The following MYO15A variants were observed in gnomAD, a reference collection of about 807,000 sequenced individuals.
MYO15A encodes the protein myosin XVA, also known as unconventional myosin-XV.
In MYO15A, 308 loss-of-function variants were observed where a neutral mutation model predicts 394.6. The ratio of observed to expected loss-of-function variants is 0.78; its 90% CI spans 0.71 to 0.86. The LOEUF is 0.86. MYO15A is among the 40% of genes least tolerant of loss of function. The probability of loss-of-function intolerance (pLI) is 0.00; values close to 1 mark genes in which losing one functional copy is unlikely to be tolerated. For missense variants in MYO15A, 4,606 were observed against 4,799.1 expected, an observed-to-expected ratio of 0.96 and a Z score of 1.19; for synonymous variants, 1,957 against 2,003.8, an observed-to-expected ratio of 0.98 and a Z score of 0.62.
intron 3 of MYO15A, 113 bp downstream of exon 3, chr17:18,124,678 C>A: frequency 2.0e-6 from 2 of 1,017,290 alleles, no homozygotes; most frequent in Non-Finnish European, 1.5e-6. Context: ...ATTTTCAGAG[C>A]CTCAGTCATG....
rs1221486801 is a variant in MYO15A at position 18,131,468 on chromosome 17, G to A, written c.4143G>A (p.Gly1381=). The A allele has an allele frequency of 6.2e-7, 1 of 1,613,784 alleles. No homozygotes were observed. ...FGKFVEIFLE[G]GVISGAITSQ... The stretch of plus-strand genomic sequence containing the variant: ...GAGCTGACTGTGCTCCCCACCCCAG[G>A]GGCGTGATCTCTGGTGCCATAACCT... Residue 1381 remains glycine (G), a splice_region_variant and synonymous_variant, in exon 10 of 66, where the codon GGG becomes GGA. Transcript: ENST00000647165.
At chr17:18,159,465 C>G (rs1379091662) in intron 54 of MYO15A, 118 bp downstream of exon 54, 2 of 1,474,696 alleles carry the variant, frequency 1.4e-6, no homozygotes, top group Admixed American at 1.8e-5. Flanking sequence ...CCAGCTCAGA[C>G]ATGGAACACA....
At position 18,131,522 on chromosome 17, in the gene MYO15A, C is replaced by G; in HGVS notation, c.4197C>G (p.Ile1399Met). 1 of 1,613,912 alleles carries G rather than the reference C, an allele frequency of 6.2e-7. No individual in the cohort carries two copies. Among genetic ancestry groups the G allele is most frequent in the Non-Finnish European group, 8.5e-7 (1 of 1,179,932 alleles). ...AGTACCTGCTTGAGAAATCCAGGATCGTGTTTCAGGTGGGCCACCCCCTCC... is the reference window on the plus strand; with the variant it reads ...AGTACCTGCTTGAGAAATCCAGGATGGTGTTTCAGGTGGGCCACCCCCTCC... ...TSQYLLEKSRIVFQAKNERNY... is the reference protein window; with the variant it reads ...TSQYLLEKSRMVFQAKNERNY... The change falls in exon 10 of 66, where the codon ATC (isoleucine) becomes ATG (methionine). Residue 1399 changes from isoleucine to methionine, a missense_variant. Physicochemically the swap from Ile to Met is conservative, Grantham distance 10 (BLOSUM62 1). Coordinates refer to ENST00000647165, the MANE Select transcript of MYO15A (RefSeq NM_016239.4).
Position 18,120,981 on chromosome 17 carries a change from G to T in MYO15A, c.2181G>T (p.Val727=). 1 of 1,498,796 alleles carries T rather than the reference G, an allele frequency of 6.7e-7. No homozygotes were observed. Among genetic ancestry groups the T allele is most frequent in the Non-Finnish European group, 8.9e-7 (1 of 1,129,350 alleles). 92.8% of individuals were successfully genotyped at this position (1,498,796 alleles called of 1,614,324 possible). A position where few individuals can be genotyped will look rare whatever the true frequency, so the allele number is the denominator to read the frequency against. ...GGGCCTTCGTGGAGCCCCCTGCCGT[G>T]AGCCCGGAGGTGCCCCCCGACCTAC... is the stretch of plus-strand genomic sequence containing the variant. ...SWWAFVEPPA[V]SPEVPPDLLA... Residue 727 remains valine (V), a synonymous_variant, in exon 2 of 66, where the codon GTG becomes GTT. Coordinates refer to ENST00000647165, the MANE Select transcript of MYO15A (RefSeq NM_016239.4).
chr17:18,150,807 G>T lies in MYO15A; in HGVS notation c.7396-29G>T, dbSNP rs1411589440. 1.9e-6 allele frequency: 3 copies of T among 1,586,114 alleles called. No individual in the cohort carries two copies. Among genetic ancestry groups the T allele is most frequent in the Non-Finnish European group, 2.6e-6 (3 of 1,165,700 alleles). On this transcript the variant is annotated intron_variant, in intron 37 of 65. Coordinates refer to ENST00000647165, the MANE Select transcript of MYO15A (RefSeq NM_016239.4). This position sits in a 1 kb window ranked among gnomAD's most constrained non-coding sequence, Gnocchi z 4.4. ...CTGCTGGGGGGTGGAGAATGGACCT[G>T]CCTGGTCACCACTGCCACCTCTCCC...
At chr17:18,126,707 C>A in intron 5 of MYO15A, 84 bp from the exon 6 acceptor site, 2 of 1,477,852 alleles carry the variant, frequency 1.4e-6, no homozygotes, top group South Asian at 1.1e-5. Context: ...GGCTGTTTGG[C>A]TGGATACGGA....
At position 18,122,002 on chromosome 17, in the gene MYO15A, T is replaced by C; in HGVS notation, c.3202T>C (p.Cys1068Arg). Residue 1068 changes from cysteine (C) to arginine (R), a missense_variant, in exon 2 of 66, where the codon TGT becomes CGT. This residue lies in a region of MYO15A where 1,830 missense variants were observed against 1,689.7 expected (regional missense o/e 1.08). Transcript: ENST00000647165. ...CAGCCTCTCATACCCACTGGCTGCGTGTGACCAGACCAGGGCCACATGGCC... is the reference window on the plus strand; with the variant it reads ...CAGCCTCTCATACCCACTGGCTGCGCGTGACCAGACCAGGGCCACATGGCC... ...RPSLSYPLAA[C>R]DQTRATWPPW... The C allele has an allele frequency of 6.2e-7, 1 of 1,613,248 alleles. No individual in the cohort carries two copies. Among genetic ancestry groups the C allele is most frequent in the Non-Finnish European group, 8.5e-7 (1 of 1,180,004 alleles).
chr17:18,147,978 C>T lies in MYO15A; in HGVS notation c.6510-51C>T. On this transcript the variant is annotated intron_variant, in intron 30 of 65. Coordinates refer to ENST00000647165, the MANE Select transcript of MYO15A (RefSeq NM_016239.4). This position sits in a 1 kb window ranked among gnomAD's most constrained non-coding sequence, Gnocchi z 4.4. ...ACCCCCACCCCGCAGCCCTCAGCCC[C>T]AAGCTAGCTTCAGATCCTTCTTGAT... is the stretch of plus-strand genomic sequence containing the variant. 1 of 1,611,690 alleles carries T rather than the reference C, an allele frequency of 6.2e-7. No homozygotes were observed. Among genetic ancestry groups the T allele is most frequent in the Non-Finnish European group, 8.5e-7 (1 of 1,178,290 alleles).
At chr17:18,163,213 C>G in intron 58 of MYO15A, 31 bp from the exon 59 acceptor site, 1 of 1,608,480 alleles carries the variant, frequency 6.2e-7, no homozygotes, top group African/African-American at 1.3e-5. Context: ...AGGACCCAAC[C>G]TGTCATCCCT....
At position 18,121,609 on chromosome 17, in the gene MYO15A, C is replaced by T; in HGVS notation, c.2809C>T (p.Gln937Ter). The T allele has an allele frequency of 6.3e-7, 1 of 1,596,398 alleles. No individual in the cohort carries two copies. Among genetic ancestry groups the T allele is most frequent in the South Asian group, 1.1e-5 (1 of 89,000 alleles). The change falls in exon 2 of 66, where the codon CAA becomes TAA. Residue 937 changes from glutamine to a stop codon, truncating the protein, a stop_gained. Transcript: ENST00000647165. LOFTEE classifies it high-confidence loss of function. This position sits in a 1 kb window ranked among gnomAD's most constrained non-coding sequence, Gnocchi z 5.3. Reference protein sequence around the residue: ...PSWDVDMPPTQRPPSPWPGGA... With the variant: ...PSWDVDMPPT Reference sequence around the variant, plus strand: ...CTGGGACGTGGACATGCCTCCCACCCAACGCCCACCCTCCCCCTGGCCAGG... The same window carrying T: ...CTGGGACGTGGACATGCCTCCCACCTAACGCCCACCCTCCCCCTGGCCAGG...
chr17:18,128,919 C>G (rs2046102335), intron 7 of MYO15A, among the ~76,000 whole-genome samples: 1 of 152,116 alleles, frequency 6.6e-6, no homozygotes, highest in Non-Finnish European at 1.5e-5. Flanking sequence ...TGAGGATGTG[C>G]CTGCCAGCTG....
chr17:18,139,005 A>G, intron 18 of MYO15A, 69 bp downstream of exon 18: 2 of 1,566,006 alleles, frequency 1.3e-6, no homozygotes, highest in Admixed American at 1.9e-5. Context: ...ACACAGAAGC[A>G]CAACACTGGC....
chr17:18,133,916 C>T (rs902836138), intron 12 of MYO15A, among the ~76,000 whole-genome samples: 5 of 152,142 alleles, frequency 3.3e-5, no homozygotes, highest in Admixed American at 2.6e-4. Flanking sequence ...CCTCGGCCTC[C>T]CAAAATGCTG....
Position 18,148,380 on chromosome 17 carries a change from A to G in MYO15A, c.6692-116A>G. The G allele has an allele frequency of 6.8e-7, 1 of 1,461,598 alleles. No individual in the cohort carries two copies. Among genetic ancestry groups the G allele is most frequent in the Non-Finnish European group, 9.3e-7 (1 of 1,071,018 alleles). The allele number at this position is 1,461,598 out of a possible 1,614,324, so 90.5% of individuals were successfully genotyped here. A position where few individuals can be genotyped will look rare whatever the true frequency, so the allele number is the denominator to read the frequency against. ...GGTGGGACCTGGCCCAGGAAAGGGG[A>G]GCCAGGGAAGTGAGGCTACAGATAC... On this transcript the variant is annotated intron_variant, in intron 31 of 65. Transcript: ENST00000647165. This position sits in a 1 kb window ranked among gnomAD's most constrained non-coding sequence, Gnocchi z 4.8.
chr17:18,168,789 G>A (rs1328548342), intron 62 of MYO15A, among the ~76,000 whole-genome samples: 2 of 151,836 alleles, frequency 1.3e-5, no homozygotes, highest in African/African-American at 4.8e-5. Flanking sequence ...TTGGTCTCAA[G>A]ACCTTTTTAC....
At chr17:18,138,582 A>T (rs1049578831) in intron 17 of MYO15A, among the ~76,000 whole-genome samples, 1 of 152,202 alleles carries the variant, frequency 6.6e-6, no homozygotes, top group Non-Finnish European at 1.5e-5. Context: ...GAGGGGAGGC[A>T]GTTAGGAGCT....
At chr17:18,139,391 C>A in intron 18 of MYO15A, 143 bp from the exon 19 acceptor site, 1 of 986,350 alleles carries the variant, frequency 1.0e-6, no homozygotes, top group South Asian at 1.5e-5. Flanking sequence ...GAAGCCATGG[C>A]GAATGCTCCC....
At chr17:18,159,046 G>A in intron 53 of MYO15A, 49 bp downstream of exon 53, 3 of 1,595,516 alleles carry the variant, frequency 1.9e-6, no homozygotes, top group Non-Finnish European at 2.6e-6. Flanking sequence ...TGGTGATGCA[G>A]GGGCCCCCTC....
intron 19 of MYO15A, 52 bp downstream of exon 19, chr17:18,139,663 C>T: frequency 6.3e-7 from 1 of 1,590,980 alleles, no homozygotes; most frequent in Non-Finnish European, 8.6e-7. Context: ...TGTCCCCACC[C>T]CCACACCCAG....
Sources: gnomAD v4.1 joint callset for allele counts (sites outside exome capture counted in the v4.1 genomes callset) on GRCh38, gnomAD v4.1.1 for gene constraint, gnomAD v4.1.1 regional missense constraint, Gnocchi (gnomAD v3.1) non-coding constraint, MANE v1.5 for transcripts, NCBI Gene and HGNC (gene_info 2026-07-23, HGNC 2026-07-21) for gene names.